USP9Y: variants seen among roughly 807,000 people sequenced by gnomAD.
The protein encoded by USP9Y is ubiquitin carboxyl-terminal hydrolase 9Y.
A neutral mutation model predicts 53.1 loss-of-function variants in USP9Y; 41 were observed. That is an observed-to-expected ratio of 0.77 (90% confidence interval 0.60 to 1.00). USP9Y has a LOEUF of 1.00. Among genes scored for constraint, USP9Y ranks in the 50% least tolerant of loss-of-function variants. The pLI is 0.00. For synonymous variants in USP9Y, 220 were observed against 173.7 expected, an observed-to-expected ratio of 1.27 and a Z score of -2.09; for missense variants, 567 against 535.8, an observed-to-expected ratio of 1.06 and a Z score of -0.58.
intron 34 of USP9Y, among the ~76,000 whole-genome samples, chrY:12,835,479 T>A: frequency 3.0e-5 from 1 of 33,839 alleles, no homozygotes. Context: ...TTCATTTTTG[T>A]GACTGTCTTG....
intron 3 of USP9Y, among the ~76,000 whole-genome samples, chrY:12,713,773 C>CT (rs2053427289): frequency 2.2e-4 from 5 of 22,444 alleles, no homozygotes; most frequent in East Asian, 1.8e-3. Context: ...TAGATGTACT[C>CT]TTTTTTTTGT....
intron 5 of USP9Y, among the ~76,000 whole-genome samples, chrY:12,723,589 A>C (rs1603196178): frequency 3.3e-5 from 1 of 30,622 alleles, no homozygotes. Flanking sequence ...GGGGTTTCAC[A>C]GTGTTAGCCA....
chrY:12,832,507 C>T lies in USP9Y; in HGVS notation c.5022-1181C>T, dbSNP rs375699911. ...ACTTGTACTGACAAACTAAAATCTC[C>T]TGGTTTTATAAAGAATCCTACTTGT... is the stretch of plus-strand genomic sequence containing the variant. On this transcript the variant is annotated intron_variant, in intron 33 of 45. Coordinates refer to ENST00000338981, the MANE Select transcript of USP9Y (RefSeq NM_004654.4). 4.7e-3 allele frequency among the ~76,000 whole-genome samples: 156 copies of T among 33,027 alleles called. No homozygotes were observed. The South Asian group carries it at 0.096, about 20-fold the overall frequency. The allele number at this position is 33,027 out of a possible 37,273, so 88.6% of individuals were successfully genotyped here.
At chrY:12,749,143 A>G in intron 12 of USP9Y, among the ~76,000 whole-genome samples, 2 of 33,237 alleles carry the variant, frequency 6.0e-5, no homozygotes, top group Admixed American at 2.8e-4. Flanking sequence ...CCTTCCCTGG[A>G]ACATCCTTCA....
chrY:12,705,666 T>G, intron 1 of USP9Y, among the ~76,000 whole-genome samples: 1 of 33,487 alleles, frequency 3.0e-5, no homozygotes, highest in Non-Finnish European at 7.5e-5. Flanking sequence ...TTTTTATGAT[T>G]GTGTCTTTCC....
At chrY:12,837,865 C>A in intron 34 of USP9Y, 46 bp from the exon 35 acceptor site, 3 of 269,756 alleles carry the variant, frequency 1.1e-5, no homozygotes, top group Non-Finnish European at 1.7e-5. Flanking sequence ...AAAACTAAAC[C>A]TATAGAATAC....
rs778580539 is a variant in USP9Y, at chrY:12,774,896, A to G, written c.2332-575A>G. On this transcript the variant is annotated intron_variant, in intron 17 of 45. Coordinates refer to ENST00000338981, the MANE Select transcript of USP9Y (RefSeq NM_004654.4). The stretch of plus-strand genomic sequence containing the variant: ...AAACCAGTGGTTTTTGAAACATTTT[A>G]ACTAGTAGTAACTCCTATCAATTAA... Among the ~76,000 whole-genome samples, 29 of 33,422 alleles carry G rather than the reference A, an allele frequency of 8.7e-4. No individual in the cohort carries two copies. The South Asian group carries it at 0.019, about 22-fold the overall frequency. 89.7% of individuals were successfully genotyped at this position (33,422 alleles called of 37,273 possible).
In USP9Y at chrY:12,856,861, G is replaced by T; in HGVS notation, c.7434+16G>T. On this transcript the variant is annotated intron_variant, in intron 44 of 45. Transcript: ENST00000338981. ...TCCAGAAGAGGTAAAAAAAAAAAAGGCTACCAATGGACAGCAGATGGAAAT... is the reference window on the plus strand; with the variant it reads ...TCCAGAAGAGGTAAAAAAAAAAAAGTCTACCAATGGACAGCAGATGGAAAT... 2.9e-6 allele frequency: 1 copy of T among 342,616 alleles called. No homozygotes were observed. The highest frequency in any genetic ancestry group is 4.2e-6 in the Non-Finnish European group (1 of 237,012). 85.5% of individuals were successfully genotyped at this position (342,616 alleles called of 400,897 possible).
chrY:12,809,030 GAA>G (rs2053527399), intron 27 of USP9Y, among the ~76,000 whole-genome samples: 3 of 33,783 alleles, frequency 8.9e-5, no homozygotes, highest in African/African-American at 3.5e-4. Context: ...TAGCTTGTTA[GAA>G]AAATAGCAAG....
In USP9Y at chrY:12,818,456, C is replaced by A. The variant is rs371763115; in HGVS notation, c.4867C>A (p.Pro1623Thr). The A allele has an allele frequency of 2.5e-6, 1 of 397,395 alleles. No individual in the cohort carries two copies. Among genetic ancestry groups the A allele is most frequent in the Non-Finnish European group, 3.5e-6 (1 of 282,686 alleles). Residue 1623 changes from proline to threonine, a missense_variant, in exon 33 of 46, where the codon CCT becomes ACT. Pro to Thr is a conservative substitution (Grantham distance 38). Coordinates refer to ENST00000338981, the MANE Select transcript of USP9Y (RefSeq NM_004654.4). Reference protein sequence around the residue: ...VDPRDDVFGYPHQFEDKPALS... With the variant: ...VDPRDDVFGYTHQFEDKPALS... ...TCCCCGAGATGATGTATTTGGATAT[C>A]CTCATCAATTTGAAGACAAGCCAGC...
chrY:12,848,984 A>G lies in USP9Y; in HGVS notation c.7064+1657A>G, dbSNP rs1004873808. On this transcript the variant is annotated intron_variant, in intron 42 of 45. Transcript: ENST00000338981. ...ACTAACTTTGAAGTAGTTTTTTCCA[A>G]TTCTGTGAAGAAAGTTATTGGTAGC... Among the ~76,000 whole-genome samples the G allele has an allele frequency of 7.5e-4, 25 of 33,522 alleles. No homozygotes were observed. In the East Asian group the frequency reaches 0.018, roughly 24 times the overall value. 89.9% of individuals were successfully genotyped at this position (33,522 alleles called of 37,273 possible).
At chrY:12,722,547 AT>A (rs2053436936) in intron 5 of USP9Y, among the ~76,000 whole-genome samples, 3 of 32,976 alleles carry the variant, frequency 9.1e-5, no homozygotes, top group Non-Finnish European at 2.2e-4. Context: ...TATTTTTTAA[AT>A]TTTTAAAAAG....
intron 42 of USP9Y, among the ~76,000 whole-genome samples, chrY:12,853,159 A>C (rs2053572930): frequency 2.9e-5 from 1 of 34,062 alleles, no homozygotes; most frequent in Non-Finnish European, 7.3e-5. Flanking sequence ...GTCTAGAGGC[A>C]GCAGACCTTG....
At chrY:12,746,288 A>G in intron 12 of USP9Y, among the ~76,000 whole-genome samples, 1 of 33,546 alleles carries the variant, frequency 3.0e-5, no homozygotes, top group Admixed American at 2.7e-4. Flanking sequence ...TTAGTTTACT[A>G]TTAATTTATT....
intron 33 of USP9Y, among the ~76,000 whole-genome samples, chrY:12,822,841 C>T: frequency 3.0e-5 from 1 of 33,386 alleles, no homozygotes; most frequent in East Asian, 7.8e-4. Context: ...GCCACTATAT[C>T]CGAAGGTTTT....
intron 15 of USP9Y, among the ~76,000 whole-genome samples, chrY:12,770,784 T>TA (rs2053484979): frequency 3.0e-5 from 1 of 33,089 alleles, no homozygotes; most frequent in African/African-American, 1.2e-4. Context: ...AACATGATGG[T>TA]AAAAAAATCG....
At chrY:12,846,701 T>A in intron 40 of USP9Y, among the ~76,000 whole-genome samples, 183 bp downstream of exon 40, 1 of 33,761 alleles carries the variant, frequency 3.0e-5, no homozygotes, top group East Asian at 7.5e-4. Context: ...GTTTATTTTT[T>A]AAATGTAGGA....
At chrY:12,831,832 G>C in intron 33 of USP9Y, among the ~76,000 whole-genome samples, 1 of 33,862 alleles carries the variant, frequency 3.0e-5, no homozygotes, top group Admixed American at 2.7e-4. Flanking sequence ...CAAAGGAATT[G>C]AAAGCAGGGT....
chrY:12,732,905 A>AATTAT, intron 7 of USP9Y, among the ~76,000 whole-genome samples: 1 of 31,344 alleles, frequency 3.2e-5, no homozygotes, highest in South Asian at 7.3e-4. Flanking sequence ...CTTTTTCTTA[A>AATTAT]ATTATTTTAT....
Sources: gnomAD v4.1 joint callset for allele counts (sites outside exome capture counted in the v4.1 genomes callset) on GRCh38, gnomAD v4.1.1 for gene constraint, MANE v1.5 for transcripts, NCBI Gene and HGNC (gene_info 2026-07-23, HGNC 2026-07-21) for gene names.